Variants in ROBO2 observed in about 807,000 individuals in gnomAD.
ROBO2 encodes the protein roundabout homolog 2.
A neutral mutation model predicts 160.8 loss-of-function variants in ROBO2; 53 were observed. That is an observed-to-expected ratio of 0.33 (90% CI 0.26 to 0.41). ROBO2 has a LOEUF of 0.41. Among genes scored for constraint, ROBO2 ranks in the 10% least tolerant of loss-of-function variants. The pLI is 1.00. For synonymous variants in ROBO2, 664 were observed against 611.7 expected, an observed-to-expected ratio of 1.09 and a Z score of -1.26; for missense variants, 1,577 against 1,722.4, an observed-to-expected ratio of 0.92 and a Z score of 1.49.
chr3:77,338,697 A>G (rs2066748201), intron 2 of ROBO2, among the ~76,000 whole-genome samples: 1 of 152,210 alleles, frequency 6.6e-6, no homozygotes, highest in African/African-American at 2.4e-5. Context: ...AGTATCTGCC[A>G]TCACAAATAT....
upstream of ROBO2, among the ~76,000 whole-genome samples, chr3:77,039,650 G>C (rs1214960604): frequency 6.6e-6 from 1 of 152,108 alleles, no homozygotes; most frequent in African/African-American, 2.4e-5. Context: ...TCCCCCCGGG[G>C]ACTCTCGGCT....
At chr3:76,891,791 C>A (rs867603082) in intron 2 of ROBO2, among the ~76,000 whole-genome samples, 2 of 152,104 alleles carry the variant, frequency 1.3e-5, no homozygotes, top group African/African-American at 4.8e-5. Flanking sequence ...AAAATTTTCT[C>A]CACCTAAGAG....
intron 2 of ROBO2, among the ~76,000 whole-genome samples, chr3:76,288,158 A>T (rs889231837): frequency 6.6e-6 from 1 of 152,164 alleles, no homozygotes; most frequent in Non-Finnish European, 1.5e-5. Flanking sequence ...TTATTTAAAA[A>T]CTAAACTAGT....
chr3:77,435,283 G>A (rs1475669110), intron 2 of ROBO2, among the ~76,000 whole-genome samples: 1 of 151,514 alleles, frequency 6.6e-6, no homozygotes, highest in East Asian at 1.9e-4. Flanking sequence ...TTCCATATCA[G>A]AGATTGTAGA....
chr3:77,552,450 A>G (rs956630950), intron 8 of ROBO2, among the ~76,000 whole-genome samples: 21 of 152,048 alleles, frequency 1.4e-4, no homozygotes, highest in South Asian at 1.2e-3. Context: ...TTCATAAAAC[A>G]GGTGGATATT....
intron 2 of ROBO2, among the ~76,000 whole-genome samples, chr3:76,091,398 T>TG (rs1401246072): frequency 6.6e-6 from 1 of 152,154 alleles, no homozygotes; most frequent in Non-Finnish European, 1.5e-5. Context: ...ACTGCTAGAA[T>TG]GGCCAAAATC....
intron 2 of ROBO2, among the ~76,000 whole-genome samples, chr3:76,155,715 T>C (rs72630360): frequency 0.046 from 7,057 of 152,248 alleles, 379 homozygotes; most frequent in East Asian, 0.23. Context: ...GTGTATTTTT[T>C]TGGGTGTTTT....
At chr3:76,207,224 T>G (rs561137414) in intron 2 of ROBO2, among the ~76,000 whole-genome samples, 2 of 152,276 alleles carry the variant, frequency 1.3e-5, no homozygotes, top group Non-Finnish European at 2.9e-5. Context: ...CTAGTAAGTT[T>G]TATTATTATG....
At chr3:77,609,116 AT>A in intron 21 of ROBO2, among the ~76,000 whole-genome samples, 1 of 151,798 alleles carries the variant, frequency 6.6e-6, no homozygotes, top group South Asian at 2.1e-4. Flanking sequence ...ATACGCGAAT[AT>A]TTTTTGTCTA....
chr3:76,632,659 C>A (rs182390171), intron 2 of ROBO2, among the ~76,000 whole-genome samples: 1 of 152,270 alleles, frequency 6.6e-6, no homozygotes, highest in East Asian at 1.9e-4. Flanking sequence ...TCATTTAAAT[C>A]ATTTTAATTT....
intron 2 of ROBO2, among the ~76,000 whole-genome samples, chr3:77,367,562 G>A (rs780318796): frequency 2.0e-5 from 3 of 152,120 alleles, no homozygotes; most frequent in African/African-American, 4.8e-5. Flanking sequence ...AAGGTGTTAC[G>A]AAGATGCCAA....
At chr3:76,528,812 A>G (rs893343951) in intron 2 of ROBO2, among the ~76,000 whole-genome samples, 1 of 152,154 alleles carries the variant, frequency 6.6e-6, no homozygotes, top group Non-Finnish European at 1.5e-5. Flanking sequence ...ACTTTTACAG[A>G]TTACGGAAAT....
At chr3:77,218,519 C>T (rs554406584) in intron 2 of ROBO2, among the ~76,000 whole-genome samples, 1 of 151,984 alleles carries the variant, frequency 6.6e-6, no homozygotes, top group Non-Finnish European at 1.5e-5. Flanking sequence ...ATTACAGGCA[C>T]CCACAAGCAT....
intron 2 of ROBO2, among the ~76,000 whole-genome samples, chr3:76,353,810 T>A (rs2075011216): frequency 6.6e-6 from 1 of 151,890 alleles, no homozygotes; most frequent in African/African-American, 2.4e-5. Context: ...CTAAACGCAC[T>A]TCTAATTAAC....
intron 2 of ROBO2, among the ~76,000 whole-genome samples, chr3:76,056,143 A>G (rs2107843013): frequency 6.6e-6 from 1 of 152,340 alleles, no homozygotes; most frequent in Admixed American, 6.5e-5. Flanking sequence ...CATAGCATTC[A>G]CATTGTATTA....
chr3:76,586,078 T>G (rs960535269), intron 2 of ROBO2, among the ~76,000 whole-genome samples: 1 of 152,170 alleles, frequency 6.6e-6, no homozygotes, highest in Non-Finnish European at 1.5e-5. Context: ...AGGATCATAG[T>G]GCTGCTTTAA....
chr3:76,707,289 T>TA (rs916779569), intron 2 of ROBO2, among the ~76,000 whole-genome samples: 1 of 152,066 alleles, frequency 6.6e-6, no homozygotes, highest in Admixed American at 6.6e-5. Flanking sequence ...GCTAACAGAC[T>TA]AAAAAGTTTG....
intron 2 of ROBO2, among the ~76,000 whole-genome samples, chr3:77,276,453 G>A (rs1473955708): frequency 1.3e-5 from 2 of 152,100 alleles, no homozygotes; most frequent in Admixed American, 6.5e-5. Flanking sequence ...GCCCCCTTAA[G>A]GTTAGCATTG....
intron 2 of ROBO2, among the ~76,000 whole-genome samples, chr3:76,887,381 A>G (rs926749925): frequency 6.6e-6 from 1 of 151,940 alleles, no homozygotes; most frequent in African/African-American, 2.4e-5. Flanking sequence ...TAGTTAGTAA[A>G]TAATGTAAAA....
Sources: gnomAD v4.1 joint callset for allele counts (sites outside exome capture counted in the v4.1 genomes callset) on GRCh38, gnomAD v4.1.1 for gene constraint, MANE v1.5 for transcripts, NCBI Gene and HGNC (gene_info 2026-07-23, HGNC 2026-07-21) for gene names.